FAM3C: variants seen among roughly 807,000 people sequenced by gnomAD.
The protein encoded by FAM3C is protein FAM3C.
A neutral mutation model predicts 32.5 loss-of-function variants in FAM3C; 15 were observed. The ratio of observed to expected loss-of-function variants is 0.46; its 90% CI spans 0.31 to 0.71. The LOEUF is 0.71. Ranked by LOEUF, FAM3C falls within the 30% of genes least tolerant of loss-of-function variation. FAM3C has a pLI of 0.05. For missense variants in FAM3C, 175 were observed against 274.4 expected, an observed-to-expected ratio of 0.64 and a Z score of 2.56; for synonymous variants, 75 against 86.1, an observed-to-expected ratio of 0.87 and a Z score of 0.72.
intron 1 of FAM3C, among the ~76,000 whole-genome samples, chr7:121,387,328 TA>T: frequency 6.6e-6 from 1 of 152,192 alleles, no homozygotes; most frequent in East Asian, 1.9e-4. Context: ...AATAAAGGAA[TA>T]AACATCTTTC....
chr7:121,385,522 C>T (rs964342010), intron 1 of FAM3C, among the ~76,000 whole-genome samples: 1 of 152,114 alleles, frequency 6.6e-6, no homozygotes, highest in African/African-American at 2.4e-5. Flanking sequence ...ACATGGTTGA[C>T]AATTTAAACA....
In FAM3C at chr7:121,378,891, G is replaced by C; in HGVS notation, c.118+19C>G. On this transcript the variant is annotated intron_variant, in intron 3 of 9. Coordinates refer to ENST00000359943, the MANE Select transcript of FAM3C (RefSeq NM_014888.3). ...CACATCAAAAATAAGATTTAAGAAA[G>C]GAAAAAAATAAAACTTACCAAATAG... is the stretch of plus-strand genomic sequence containing the variant. 7.5e-7 allele frequency: 1 copy of C among 1,334,770 alleles called. No homozygotes were observed. The highest frequency in any genetic ancestry group is 1.0e-6 in the Non-Finnish European group (1 of 955,758). The allele number at this position is 1,334,770 out of a possible 1,614,324, so 82.7% of individuals were successfully genotyped here.
At chr7:121,356,910 G>GT (rs1224690118) in intron 8 of FAM3C, among the ~76,000 whole-genome samples, 1 of 151,994 alleles carries the variant, frequency 6.6e-6, no homozygotes. Context: ...TTTCTTAGAT[G>GT]TAAGTTTTTC....
chr7:121,359,324 T>C (rs1562884224), intron 8 of FAM3C, among the ~76,000 whole-genome samples: 1 of 151,974 alleles, frequency 6.6e-6, no homozygotes. Context: ...AGGTTATAAA[T>C]CATGACATTT....
intron 1 of FAM3C, among the ~76,000 whole-genome samples, chr7:121,388,235 A>AACACACACACACACACAC (rs10676450): frequency 1.4e-5 from 2 of 147,822 alleles, no homozygotes; most frequent in African/African-American, 2.5e-5. Flanking sequence ...CCACCATTTT[A>AACACACACACACACACAC]ACACACACAC....
intron 2 of FAM3C, among the ~76,000 whole-genome samples, chr7:121,379,920 T>A (rs1794316070): frequency 2.0e-5 from 3 of 152,324 alleles, no homozygotes; most frequent in African/African-American, 7.2e-5. Context: ...ACTATAATAC[T>A]AATCAATCCC....
intron 7 of FAM3C, among the ~76,000 whole-genome samples, chr7:121,360,478 T>G (rs1793897021): frequency 1.3e-5 from 2 of 152,192 alleles, no homozygotes; most frequent in African/African-American, 4.8e-5. Context: ...AAAACCTTAT[T>G]CTGGGGTCCA....
intron 1 of FAM3C, among the ~76,000 whole-genome samples, chr7:121,393,813 T>C (rs1370232566): frequency 1.3e-5 from 2 of 152,230 alleles, no homozygotes; most frequent in Non-Finnish European, 2.9e-5. Context: ...GACTGCATGA[T>C]ATTAAGTAAT....
chr7:121,360,175 C>A, intron 7 of FAM3C, 48 bp from the exon 8 acceptor site: 1 of 932,114 alleles, frequency 1.1e-6, no homozygotes, highest in South Asian at 1.3e-5. Flanking sequence ...ACTGAATAAG[C>A]ATCACGATAA....
intron 7 of FAM3C, among the ~76,000 whole-genome samples, chr7:121,361,495 A>G (rs1367401593): frequency 6.6e-6 from 1 of 152,206 alleles, no homozygotes; most frequent in African/African-American, 2.4e-5. Flanking sequence ...AAGGAATACC[A>G]GAGCTCCTGG....
At chr7:121,394,062 G>A (rs1794634953) in intron 1 of FAM3C, among the ~76,000 whole-genome samples, 1 of 152,204 alleles carries the variant, frequency 6.6e-6, no homozygotes, top group African/African-American at 2.4e-5. Flanking sequence ...AAGATTCCCT[G>A]CTTTAGAGAA....
At chr7:121,365,286 A>C (rs1403785743) in intron 5 of FAM3C, among the ~76,000 whole-genome samples, 1 of 152,174 alleles carries the variant, frequency 6.6e-6, no homozygotes, top group Non-Finnish European at 1.5e-5. Flanking sequence ...AGATAAAATA[A>C]AGAAAAACAA....
intron 3 of FAM3C, among the ~76,000 whole-genome samples, chr7:121,378,197 C>G (rs1483710140): frequency 2.0e-5 from 3 of 151,712 alleles, no homozygotes; most frequent in African/African-American, 7.3e-5. Flanking sequence ...CGTAAGGATT[C>G]TGTTAAAAAA....
chr7:121,361,777 G>A (rs982373109), intron 7 of FAM3C, among the ~76,000 whole-genome samples: 1 of 152,176 alleles, frequency 6.6e-6, no homozygotes, highest in Non-Finnish European at 1.5e-5. Context: ...CCCGGTTCAA[G>A]GGATTCTCCT....
At chr7:121,374,850 T>A (rs1794211032) in intron 3 of FAM3C, among the ~76,000 whole-genome samples, 1 of 152,224 alleles carries the variant, frequency 6.6e-6, no homozygotes, top group Non-Finnish European at 1.5e-5. Flanking sequence ...GAGAATAAAG[T>A]AACTCAACGT....
chr7:121,372,927 A>G (rs1011594938), intron 3 of FAM3C, among the ~76,000 whole-genome samples: 1 of 152,248 alleles, frequency 6.6e-6, no homozygotes, highest in Non-Finnish European at 1.5e-5. Context: ...CCAATACTCC[A>G]ACTAGTAAGC....
intron 5 of FAM3C, among the ~76,000 whole-genome samples, chr7:121,366,370 A>G (rs1454198738): frequency 6.6e-6 from 1 of 152,136 alleles, no homozygotes; most frequent in African/African-American, 2.4e-5. Context: ...AAAGGAATGA[A>G]GTTCTGATAC....
intron 8 of FAM3C, 189 bp from the exon 9 acceptor site, chr7:121,351,458 C>A (rs1170125122): frequency 2.1e-6 from 1 of 485,242 alleles, no homozygotes; most frequent in South Asian, 5.2e-5. Context: ...GACATGAACT[C>A]CAACAATTAA....
At chr7:121,380,879 A>C (rs1794336421) in intron 2 of FAM3C, among the ~76,000 whole-genome samples, 1 of 152,036 alleles carries the variant, frequency 6.6e-6, no homozygotes, top group Non-Finnish European at 1.5e-5. Context: ...AACAGGGCTA[A>C]AATTTTACAT....
Sources: allele counts gnomAD v4.1 joint callset (sites outside exome capture counted in the v4.1 genomes callset), GRCh38; gene constraint gnomAD v4.1.1; transcripts MANE v1.5; gene names NCBI Gene and HGNC (gene_info 2026-07-23, HGNC 2026-07-21).